Variants in MAPK10 observed in about 807,000 individuals in gnomAD.
MAPK10 encodes the protein mitogen-activated protein kinase 10, also known as JNK3 alpha protein kinase.
In MAPK10, 25 loss-of-function variants were observed where a neutral mutation model predicts 59.3. The observed-to-expected ratio is 0.42, with a 90% CI of 0.31 to 0.59. The LOEUF (loss-of-function observed/expected upper bound fraction) is 0.59, where lower values mean the gene tolerates loss of function less well. MAPK10 is among the 20% of genes least tolerant of loss of function. The pLI is 0.15. For missense variants in MAPK10, 351 were observed against 568.9 expected, an observed-to-expected ratio of 0.62 and a Z score of 3.90; for synonymous variants, 190 against 200.5, an observed-to-expected ratio of 0.95 and a Z score of 0.44.
intron 2 of MAPK10, among the ~76,000 whole-genome samples, chr4:86,319,249 G>C (rs1017232413): frequency 6.6e-6 from 1 of 152,084 alleles, no homozygotes; most frequent in African/African-American, 2.4e-5. Flanking sequence ...AATTAACTGA[G>C]AAGGGTAAAG....
intron 2 of MAPK10, among the ~76,000 whole-genome samples, chr4:86,298,664 T>C (rs908178856): frequency 6.6e-6 from 1 of 152,244 alleles, no homozygotes; most frequent in Non-Finnish European, 1.5e-5. Flanking sequence ...CTATCTTTTA[T>C]TTTGCCATTA....
chr4:86,245,977 A>C (rs1280481659), intron 2 of MAPK10, among the ~76,000 whole-genome samples: 1 of 152,224 alleles, frequency 6.6e-6, no homozygotes, highest in Admixed American at 6.5e-5. Context: ...CTCTTAGAAT[A>C]AATAGGCAAA....
At chr4:86,037,347 C>T (rs997811833) in intron 11 of MAPK10, among the ~76,000 whole-genome samples, 2 of 151,980 alleles carry the variant, frequency 1.3e-5, no homozygotes, top group Non-Finnish European at 2.9e-5. Context: ...AGTGAAACCC[C>T]ATCTCTACTA....
chr4:86,550,388 A>AAAAAAAAAAAC lies in MAPK10; in HGVS notation c.-263+43521_-263+43522insGTTTTTTTTTT, dbSNP rs1176285682. Among the ~76,000 whole-genome samples, 35 of 71,400 alleles carry AAAAAAAAAAAC rather than the reference A, an allele frequency of 4.9e-4. 1 individual carries two copies. The highest frequency in any genetic ancestry group is 0.014 in the Middle Eastern group (2 of 144). 46.8% of individuals were successfully genotyped at this position (71,400 alleles called of 152,430 possible). A position where few individuals can be genotyped will look rare whatever the true frequency, so the allele number is the denominator to read the frequency against. On this transcript the variant is annotated intron_variant, in intron 1 of 4. Coordinates refer to the MAPK10 transcript ENST00000502302. Reference sequence around the variant, plus strand: ...AGAGCTTCAGTTAAAAAAAAAAAAAAAAAAAAAAAAAAAAAAAAAAAAACT... The same window carrying AAAAAAAAAAAC: ...AGAGCTTCAGTTAAAAAAAAAAAAAAAAAAAAAAAACAAAAAAAAAAAAAAAAAAAAAAACT...
chr4:86,113,213 C>T (rs2057787895), intron 4 of MAPK10, among the ~76,000 whole-genome samples: 1 of 152,134 alleles, frequency 6.6e-6, no homozygotes, highest in South Asian at 2.1e-4. Flanking sequence ...AGCCCATTTA[C>T]ATTTAAAGTC....
intron 7 of MAPK10, 59 bp from the exon 8 acceptor site, chr4:86,101,276 A>AT: frequency 7.3e-7 from 1 of 1,366,514 alleles, no homozygotes; most frequent in South Asian, 1.3e-5. Context: ...TGTTATTTCC[A>AT]TTGACTCAAT....
intron 4 of MAPK10, among the ~76,000 whole-genome samples, chr4:86,153,235 A>G (rs2066910925): frequency 6.6e-6 from 1 of 152,194 alleles, no homozygotes; most frequent in Non-Finnish European, 1.5e-5. Flanking sequence ...TATTTCTTCT[A>G]ATAGGGACAT....
chr4:86,024,108 C>T (rs1369585795), intron 13 of MAPK10: 1 of 151,820 alleles, frequency 6.6e-6, no homozygotes, highest in African/African-American at 2.4e-5. Flanking sequence ...ATTATGTAGA[C>T]ACATTCTTAT....
At chr4:86,386,198 A>G (rs1741433776) in intron 1 of MAPK10, among the ~76,000 whole-genome samples, 1 of 152,182 alleles carries the variant, frequency 6.6e-6, no homozygotes, top group Non-Finnish European at 1.5e-5. Context: ...TTAGAAGAGA[A>G]TTGCGATACT....
intron 1 of MAPK10, among the ~76,000 whole-genome samples, chr4:86,372,142 T>C (rs993283690): frequency 1.1e-4 from 16 of 151,994 alleles, no homozygotes; most frequent in Admixed American, 9.2e-4. Flanking sequence ...AGTAAAACAC[T>C]CCTCAACAAA....
intron 1 of MAPK10, among the ~76,000 whole-genome samples, chr4:86,539,484 T>C (rs1578043339): frequency 6.6e-6 from 1 of 152,062 alleles, no homozygotes; most frequent in African/African-American, 2.4e-5. Context: ...TTAGAAACCC[T>C]TGGTCGCAGG....
intron 2 of MAPK10, among the ~76,000 whole-genome samples, chr4:86,231,125 T>A (rs936419012): frequency 6.6e-6 from 1 of 152,248 alleles, no homozygotes; most frequent in African/African-American, 2.4e-5. Context: ...ATTACTTGGT[T>A]ATTAAAATAA....
chr4:86,404,498 T>G (rs1325268158), intron 1 of MAPK10, among the ~76,000 whole-genome samples: 1 of 152,234 alleles, frequency 6.6e-6, no homozygotes, highest in African/African-American at 2.4e-5. Context: ...CATGCCACTT[T>G]TAGATCATCC....
intron 4 of MAPK10, among the ~76,000 whole-genome samples, chr4:86,134,208 T>G (rs959933994): frequency 6.6e-6 from 1 of 152,224 alleles, no homozygotes; most frequent in East Asian, 1.9e-4. Flanking sequence ...CTTCAAATAT[T>G]TGAAGATATC....
intron 1 of MAPK10, among the ~76,000 whole-genome samples, chr4:86,568,362 A>G (rs923765436): frequency 6.6e-6 from 1 of 152,214 alleles, no homozygotes; most frequent in Non-Finnish European, 1.5e-5. Context: ...AATACTGCCC[A>G]AAGCAATCTA....
At chr4:86,495,081 G>T (rs1231173303) in intron 1 of MAPK10, among the ~76,000 whole-genome samples, 10 of 151,964 alleles carry the variant, frequency 6.6e-5, no homozygotes, top group Non-Finnish European at 1.5e-5. Context: ...AATCACTTCA[G>T]ACAGAGCCAG....
chr4:86,172,084 G>T, intron 3 of MAPK10, among the ~76,000 whole-genome samples: 1 of 136,034 alleles, frequency 7.4e-6, no homozygotes, highest in South Asian at 2.2e-4. Flanking sequence ...ACAGGTGCTG[G>T]AGAGGATGTG....
At chr4:86,415,302 C>A (rs1745726202) in intron 1 of MAPK10, among the ~76,000 whole-genome samples, 1 of 152,032 alleles carries the variant, frequency 6.6e-6, no homozygotes, top group African/African-American at 2.4e-5. Flanking sequence ...GTCAGTGATA[C>A]CAGAAAACTA....
intron 11 of MAPK10, among the ~76,000 whole-genome samples, chr4:86,063,270 C>A (rs1363068373): frequency 2.0e-5 from 3 of 151,980 alleles, no homozygotes; most frequent in Non-Finnish European, 4.4e-5. Context: ...TGGAAAAACA[C>A]ATGGTGAAGC....
Sources: allele counts gnomAD v4.1 joint callset (sites outside exome capture counted in the v4.1 genomes callset), GRCh38; gene constraint gnomAD v4.1.1; transcripts MANE v1.5; gene names NCBI Gene and HGNC (gene_info 2026-07-23, HGNC 2026-07-21).